Variants in RPS6KC1 observed in about 807,000 individuals in gnomAD.
The protein encoded by RPS6KC1 is ribosomal protein S6 kinase C1, also known as inactive ribosomal protein S6 kinase delta-1.
Under a neutral mutation model 103.8 loss-of-function variants are expected in RPS6KC1, and 54 were observed. The observed-to-expected ratio is 0.52, with a 90% CI of 0.42 to 0.65. The LOEUF (loss-of-function observed/expected upper bound fraction) is 0.65. Ranked by LOEUF, RPS6KC1 falls within the 30% of genes least tolerant of loss-of-function variation. RPS6KC1 has a pLI of 0.00. For synonymous variants in RPS6KC1, 439 were observed against 438.7 expected, an observed-to-expected ratio of 1.00 and a Z score of -0.01; for missense variants, 1,151 against 1,253.8, an observed-to-expected ratio of 0.92 and a Z score of 1.24.
At position 213,242,074 on chromosome 1, in the gene RPS6KC1, T is replaced by C; in HGVS notation, c.2598T>C (p.Ser866=). 1.2e-6 allele frequency: 2 copies of C among 1,614,012 alleles called. No homozygotes were observed. The highest frequency in any genetic ancestry group is 1.7e-6 in the Non-Finnish European group (2 of 1,179,920). Residue 866 remains serine (S), a synonymous_variant, in exon 11 of 15, where the codon TCT becomes TCC. Coordinates refer to ENST00000366960, the MANE Select transcript of RPS6KC1 (RefSeq NM_012424.6). ...EEPTSLFQRD[S]ETKGESGLVL... ...CAACTTCTTTATTCCAGAGAGACTC[T>C]GAGACTAAGGGTGAAAGTGGTTTAG...
chr1:213,279,890 C>G, the RPS6KC1 span, among the ~76,000 whole-genome samples: 14 of 152,202 alleles, frequency 9.2e-5, no homozygotes, highest in Non-Finnish European at 1.9e-4. Flanking sequence ...CATCCCAAAC[C>G]TATTGAATTG....
At chr1:213,791,139 A>G in the RPS6KC1 span, among the ~76,000 whole-genome samples, 4 of 152,170 alleles carry the variant, frequency 2.6e-5, no homozygotes, top group South Asian at 2.1e-4. Flanking sequence ...TGTCTTTCAT[A>G]GAAGCATGAA....
intron 3 of RPS6KC1, among the ~76,000 whole-genome samples, chr1:213,102,737 T>A (rs551766975): frequency 4.6e-5 from 7 of 152,326 alleles, no homozygotes; most frequent in Non-Finnish European, 8.8e-5. Flanking sequence ...ACTTGCCTGC[T>A]GACCTTTATT....
the RPS6KC1 span, among the ~76,000 whole-genome samples, chr1:213,357,854 G>A: frequency 1.3e-5 from 2 of 152,158 alleles, no homozygotes; most frequent in African/African-American, 4.8e-5. Flanking sequence ...TTGTGTGGCG[G>A]GACCCTCCTC....
At chr1:213,700,984 G>C in the RPS6KC1 span, among the ~76,000 whole-genome samples, 1 of 151,898 alleles carries the variant, frequency 6.6e-6, no homozygotes, top group Non-Finnish European at 1.5e-5. Context: ...CAAATATAAA[G>C]TCATATCATC....
chr1:213,103,005 G>A (rs956722955), intron 3 of RPS6KC1, among the ~76,000 whole-genome samples: 7 of 151,942 alleles, frequency 4.6e-5, no homozygotes, highest in Non-Finnish European at 1.5e-5. Flanking sequence ...CCAGGAATTC[G>A]ACATTAGCCT....
chr1:213,359,316 T>A, the RPS6KC1 span, among the ~76,000 whole-genome samples: 1 of 152,214 alleles, frequency 6.6e-6, no homozygotes, highest in Non-Finnish European at 1.5e-5. Context: ...TGTAATGGCC[T>A]TCTTTGTCTC....
the RPS6KC1 span, chr1:213,843,706 A>G: frequency 6.6e-6 from 1 of 152,202 alleles, no homozygotes; most frequent in Non-Finnish European, 1.5e-5. Context: ...CTTAAATACT[A>G]TAACAAGAAG....
At chr1:213,518,494 G>A in the RPS6KC1 span, among the ~76,000 whole-genome samples, 2 of 152,178 alleles carry the variant, frequency 1.3e-5, no homozygotes, top group African/African-American at 4.8e-5. Context: ...TCCTCCCCTA[G>A]AGCCTTTGCA....
the RPS6KC1 span, among the ~76,000 whole-genome samples, chr1:213,571,361 A>T: frequency 1.8e-4 from 28 of 152,274 alleles, no homozygotes; most frequent in Non-Finnish European, 3.8e-4. Flanking sequence ...AGGGGCTATG[A>T]TAGGTCTGGA....
At chr1:213,364,769 C>T in the RPS6KC1 span, among the ~76,000 whole-genome samples, 762 of 152,064 alleles carry the variant, frequency 5.0e-3, 3 homozygotes, top group Non-Finnish European at 8.3e-3. Context: ...GCCTGGTCAA[C>T]GTGGTAAAAC....
chr1:213,311,205 C>T, the RPS6KC1 span, among the ~76,000 whole-genome samples: 1 of 150,984 alleles, frequency 6.6e-6, no homozygotes, highest in Non-Finnish European at 1.5e-5. Flanking sequence ...GTGACGCCAT[C>T]TCCGCTCACT....
intron 12 of RPS6KC1, among the ~76,000 whole-genome samples, chr1:213,261,343 GT>G (rs1189761499): frequency 6.6e-6 from 1 of 151,730 alleles, no homozygotes; most frequent in African/African-American, 2.4e-5. Flanking sequence ...AAGAACAAAT[GT>G]CTGAGTTTAA....
the RPS6KC1 span, among the ~76,000 whole-genome samples, chr1:213,445,737 A>G: frequency 6.6e-6 from 1 of 152,208 alleles, no homozygotes; most frequent in East Asian, 1.9e-4. Flanking sequence ...TGTGGCCCAC[A>G]CTTTCGCCTG....
At chr1:213,182,903 C>CAT (rs534550656) in intron 8 of RPS6KC1, among the ~76,000 whole-genome samples, 18 of 146,828 alleles carry the variant, frequency 1.2e-4, no homozygotes, top group Admixed American at 1.0e-3. Flanking sequence ...ACGTATATAT[C>CAT]ATATATATAT....
intron 3 of RPS6KC1, 127 bp from the exon 4 acceptor site, chr1:213,104,327 A>C: frequency 1.8e-6 from 1 of 545,546 alleles, no homozygotes; most frequent in Non-Finnish European, 3.3e-6. Context: ...TGACTTCAGA[A>C]GTTTGCATAA....
chr1:213,257,878 A>G (rs943784446), intron 12 of RPS6KC1, among the ~76,000 whole-genome samples: 1 of 134,470 alleles, frequency 7.4e-6, no homozygotes, highest in Admixed American at 9.5e-5. Flanking sequence ...ATCTTGGCTC[A>G]CTGCAACCCT....
chr1:213,218,449 G>A (rs2093730537), intron 8 of RPS6KC1, among the ~76,000 whole-genome samples: 1 of 152,074 alleles, frequency 6.6e-6, no homozygotes, highest in Non-Finnish European at 1.5e-5. Flanking sequence ...TACTGCCCAA[G>A]GTAATTTATA....
chr1:213,100,166 T>A (rs1259035706), intron 3 of RPS6KC1, among the ~76,000 whole-genome samples: 1 of 152,228 alleles, frequency 6.6e-6, no homozygotes, highest in Non-Finnish European at 1.5e-5. Context: ...CTGGGGCATG[T>A]GTAATGGTAT....
Sources: allele counts gnomAD v4.1 joint callset (sites outside exome capture counted in the v4.1 genomes callset), GRCh38; gene constraint gnomAD v4.1.1; transcripts MANE v1.5; gene names NCBI Gene and HGNC (gene_info 2026-07-23, HGNC 2026-07-21).